Variants in SBNO2 observed in about 807,000 individuals in gnomAD.
The protein encoded by SBNO2 is protein strawberry notch homolog 2.
In SBNO2, 89 loss-of-function variants were observed where a neutral mutation model predicts 146.3. The ratio of observed to expected loss-of-function variants is 0.61; its 90% CI spans 0.51 to 0.73. The LOEUF is 0.73. SBNO2 is among the 30% of genes least tolerant of loss of function. The pLI, the probability that SBNO2 is intolerant of heterozygous loss-of-function variation, is 0.00. For missense variants in SBNO2, 2,092 were observed against 2,003.7 expected, an observed-to-expected ratio of 1.04 and a Z score of -0.84; for synonymous variants, 1,147 against 892.6, an observed-to-expected ratio of 1.29 and a Z score of -5.08.
At chr19:1,163,290 C>T (rs1358759467) in intron 1 of SBNO2, among the ~76,000 whole-genome samples, 2 of 152,198 alleles carry the variant, frequency 1.3e-5, no homozygotes, top group Admixed American at 6.5e-5. Flanking sequence ...GGGAGACGGC[C>T]GCATGGAGAC....
intron 1 of SBNO2, among the ~76,000 whole-genome samples, chr19:1,154,739 C>T (rs1023294912): frequency 6.6e-6 from 1 of 152,220 alleles, no homozygotes; most frequent in Non-Finnish European, 1.5e-5. Context: ...GCTGACTCCC[C>T]CACATCTGGC....
At chr19:1,152,734 T>TG (rs1343148262) in intron 2 of SBNO2, among the ~76,000 whole-genome samples, 20 of 151,752 alleles carry the variant, frequency 1.3e-4, no homozygotes, top group Non-Finnish European at 4.4e-5. Context: ...TGCCGAGGGG[T>TG]GTCTGTGATG....
rs979148930 is a variant in SBNO2 at position 1,140,412 on chromosome 19, C to G, written c.279+6897G>C. Reference sequence around the variant, plus strand: ...GGACACACGGGGCTGAGCCATCACCCACCAGGGACATTGAGCCTGATGGCT... The same window carrying G: ...GGACACACGGGGCTGAGCCATCACCGACCAGGGACATTGAGCCTGATGGCT... On this transcript the variant is annotated intron_variant, in intron 4 of 31. Transcript: ENST00000361757. The surrounding 1 kb of genome is among the most constrained non-coding windows in gnomAD (Gnocchi z 4.4). Among the ~76,000 whole-genome samples the G allele has an allele frequency of 6.6e-6, 1 of 152,232 alleles. No individual in the cohort carries two copies. The highest frequency in any genetic ancestry group is 1.5e-5 in the Non-Finnish European group (1 of 68,034).
rs1229128617 is a variant in SBNO2 at position 1,136,715 on chromosome 19, C to T, written c.280-8950G>A. Among the ~76,000 whole-genome samples, 4 of 152,196 alleles carry T rather than the reference C, an allele frequency of 2.6e-5. No individual in the cohort carries two copies. The highest frequency in any genetic ancestry group is 7.2e-5 in the African/African-American group (3 of 41,452). On this transcript the variant is annotated intron_variant, in intron 4 of 31. Coordinates refer to ENST00000361757, the MANE Select transcript of SBNO2 (RefSeq NM_014963.3). This position sits in a 1 kb window ranked among gnomAD's most constrained non-coding sequence, Gnocchi z 4.2. ...GGGGGCTCCGTGGTGCCGGATGGGC[C>T]GAGGCATCTGACCCCTGCTGAAACG...
intron 10 of SBNO2, 23 bp from the exon 11 acceptor site, chr19:1,122,305 T>G (rs1409334556): frequency 1.3e-6 from 2 of 1,543,932 alleles, no homozygotes; most frequent in Non-Finnish European, 1.8e-6. Flanking sequence ...AGAACAGGTG[T>G]GGAATGGGGC....
intron 4 of SBNO2, among the ~76,000 whole-genome samples, chr19:1,139,658 G>C (rs557767363): frequency 6.6e-6 from 1 of 152,158 alleles, no homozygotes; most frequent in African/African-American, 2.4e-5. Flanking sequence ...AGCTGGGCGC[G>C]GTGGCGCACA....
intron 5 of SBNO2, 113 bp downstream of exon 5, chr19:1,127,491 G>T: frequency 9.8e-7 from 1 of 1,017,560 alleles, no homozygotes; most frequent in Non-Finnish European, 1.5e-6. Flanking sequence ...GACAGGCACA[G>T]CCATTGGCAC....
Position 1,117,378 on chromosome 19 carries a change from G to A in SBNO2, c.1649C>T (p.Ala550Val), listed in dbSNP as rs1420824844. The A allele has an allele frequency of 6.3e-7, 1 of 1,586,984 alleles. No homozygotes were observed. Among genetic ancestry groups the A allele is most frequent in the Non-Finnish European group, 8.6e-7 (1 of 1,168,022 alleles). ...HQRFFKYLCI[A>V]AKVRRLVELA... ...CTCCACCAGCCGGCGCACCTTGGCT[G>A]CGATGCACAGATACTTGAAGAAGCG... Residue 550 changes from alanine (A) to valine (V), a missense_variant, in exon 15 of 32, where the codon GCA becomes GTA. Coordinates refer to ENST00000361757, the MANE Select transcript of SBNO2 (RefSeq NM_014963.3).
In SBNO2 at chr19:1,122,885, T is replaced by C. The variant is rs1483845194; in HGVS notation, c.780+9A>G. ...CACAGGCTGGGCTGGGTTGGGGACA[T>C]GCGGTCACCTGGCAGGCGTAGGTGA... On this transcript the variant is annotated intron_variant, in intron 8 of 31. Transcript: ENST00000361757. The C allele has an allele frequency of 7.1e-6, 11 of 1,542,396 alleles. No homozygotes were observed. The highest frequency in any genetic ancestry group is 8.7e-6 in the Non-Finnish European group (10 of 1,144,082).
chr19:1,117,549 G>A (rs1268655689), intron 14 of SBNO2, 50 bp from the exon 15 acceptor site: 25 of 1,506,222 alleles, frequency 1.7e-5, no homozygotes, highest in Admixed American at 9.1e-5. Flanking sequence ...CCTGGCTCCC[G>A]ACCCGGGCCC....
intron 19 of SBNO2, 138 bp from the exon 20 acceptor site, chr19:1,113,087 A>T: frequency 1.0e-5 from 10 of 990,742 alleles, no homozygotes; most frequent in South Asian, 1.7e-5. Context: ...GTGCTGGGAA[A>T]GGGAGGGCGG....
rs1477353677 is a variant in SBNO2, at chr19:1,122,993, G to A, written c.681C>T (p.Ser227=). ...AGGTGATGTCTGGGGGTGGGACGCTGGACAGTGTGCTGGTCTCCACCACGC... is the reference window on the plus strand; with the variant it reads ...AGGTGATGTCTGGGGGTGGGACGCTAGACAGTGTGCTGGTCTCCACCACGC... The part of the protein sequence containing the change: ...PDRVVETSTL[S]SVPPPDITYT... Residue 227 remains serine (S), a synonymous_variant, in exon 8 of 32, where the codon TCC becomes TCT. Coordinates refer to ENST00000361757, the MANE Select transcript of SBNO2 (RefSeq NM_014963.3). The A allele has an allele frequency of 1.3e-6, 2 of 1,582,754 alleles. No homozygotes were observed. Among genetic ancestry groups the A allele is most frequent in the Non-Finnish European group, 1.7e-6 (2 of 1,165,248 alleles).
At chr19:1,121,657 C>T (rs1599838664) in intron 11 of SBNO2, among the ~76,000 whole-genome samples, 1 of 152,178 alleles carries the variant, frequency 6.6e-6, no homozygotes, top group African/African-American at 2.4e-5. Context: ...AGCCTGCCGA[C>T]GAGAGCCCTG....
Position 1,167,207 on chromosome 19 carries a change from A to G in SBNO2, c.-127+6965T>C, listed in dbSNP as rs116640321. 1.9e-3 allele frequency among the ~76,000 whole-genome samples: 289 copies of G among 152,364 alleles called. 1 individual carries two copies. Among genetic ancestry groups the G allele is most frequent in the African/African-American group, 6.9e-3 (286 of 41,596 alleles). Reference sequence around the variant, plus strand: ...CAGTTAGGCGCTGCTCCACGCCTGGAGGAGGGAACTGAGGGCCCGAAATCA... The same window carrying G: ...CAGTTAGGCGCTGCTCCACGCCTGGGGGAGGGAACTGAGGGCCCGAAATCA... On this transcript the variant is annotated intron_variant, in intron 1 of 31. Transcript: ENST00000361757.
Position 1,157,228 on chromosome 19 carries a change from C to T in SBNO2, c.-126-2826G>A, listed in dbSNP as rs2080299283. Among the ~76,000 whole-genome samples the T allele has an allele frequency of 1.3e-5, 2 of 151,888 alleles. No individual in the cohort carries two copies. Among genetic ancestry groups the T allele is most frequent in the South Asian group, 4.2e-4 (2 of 4,810 alleles). ...TTTCTTGCAGCAGCTGTGACCACGC[C>T]ATGTCTCTGGGGCATCCAGCTGCCC... On this transcript the variant is annotated intron_variant, in intron 1 of 31. Transcript: ENST00000361757. This position sits in a 1 kb window ranked among gnomAD's most constrained non-coding sequence, Gnocchi z 6.8.
chr19:1,147,783 A>C (rs1240845198), intron 3 of SBNO2, among the ~76,000 whole-genome samples: 1 of 151,784 alleles, frequency 6.6e-6, no homozygotes, highest in African/African-American at 2.4e-5. Context: ...CCTCCCCCAC[A>C]CACAGGCCCC....
intron 3 of SBNO2, among the ~76,000 whole-genome samples, chr19:1,148,244 A>G (rs915661419): frequency 1.3e-5 from 2 of 151,766 alleles, no homozygotes; most frequent in Admixed American, 6.6e-5. Context: ...CCTGGGGGCC[A>G]CTCTCCTCCT....
intron 4 of SBNO2, among the ~76,000 whole-genome samples, chr19:1,141,474 C>A (rs1313508954): frequency 6.6e-6 from 1 of 152,130 alleles, no homozygotes; most frequent in Non-Finnish European, 1.5e-5. Flanking sequence ...CTTGGCCCCC[C>A]AAAGTGCTGG....
In SBNO2 at chr19:1,136,534, G is replaced by T. The variant is rs1286473687; in HGVS notation, c.280-8769C>A. Among the ~76,000 whole-genome samples, 1 of 152,226 alleles carries T rather than the reference G, an allele frequency of 6.6e-6. No individual in the cohort carries two copies. Among genetic ancestry groups the T allele is most frequent in the Non-Finnish European group, 1.5e-5 (1 of 68,034 alleles). On this transcript the variant is annotated intron_variant, in intron 4 of 31. Coordinates refer to ENST00000361757, the MANE Select transcript of SBNO2 (RefSeq NM_014963.3). The surrounding 1 kb of genome is among the most constrained non-coding windows in gnomAD (Gnocchi z 4.2). ...GGGCGGAGGCTCCTCCTCCCGGGGGGGCTGTGGCCTCAGCACAGACCAGGG... is the reference window on the plus strand; with the variant it reads ...GGGCGGAGGCTCCTCCTCCCGGGGGTGCTGTGGCCTCAGCACAGACCAGGG...
Sources: gnomAD v4.1 joint callset for allele counts (sites outside exome capture counted in the v4.1 genomes callset) on GRCh38, gnomAD v4.1.1 for gene constraint, Gnocchi (gnomAD v3.1) non-coding constraint, MANE v1.5 for transcripts, NCBI Gene and HGNC (gene_info 2026-07-23, HGNC 2026-07-21) for gene names.